Variants in AKR1C8 observed in about 807,000 individuals in gnomAD.
The protein encoded by AKR1C8 is aldo-keto reductase family 1 member C-like protein 1.
At chr10:5,131,208 C>T in the AKR1C8 span, among the ~76,000 whole-genome samples, 1 of 151,986 alleles carries the variant, frequency 6.6e-6, no homozygotes, top group East Asian at 1.9e-4. Context: ...AAGTCTAAGA[C>T]CTGAAACCAT....
At chr10:5,178,682 T>C in the AKR1C8 span, among the ~76,000 whole-genome samples, 1 of 152,244 alleles carries the variant, frequency 6.6e-6, no homozygotes, top group African/African-American at 2.4e-5. Flanking sequence ...GATGCATATA[T>C]ATTTAGGATA....
At chr10:5,144,588 A>G in the AKR1C8 span, among the ~76,000 whole-genome samples, 1 of 151,712 alleles carries the variant, frequency 6.6e-6, no homozygotes, top group African/African-American at 2.4e-5. Flanking sequence ...AAGGTCCTTC[A>G]CATCCCTTGT....
chr10:5,144,796 T>TACA, the AKR1C8 span, among the ~76,000 whole-genome samples: 1 of 152,172 alleles, frequency 6.6e-6, no homozygotes. Context: ...TTTCTAGATA[T>TACA]ACAATCATGT....
the AKR1C8 span, among the ~76,000 whole-genome samples, chr10:5,167,087 C>T: frequency 8.5e-5 from 13 of 152,102 alleles, no homozygotes; most frequent in African/African-American, 2.9e-4. Flanking sequence ...CAATGAGATA[C>T]CATCTCACAC....
the AKR1C8 span, among the ~76,000 whole-genome samples, chr10:5,161,560 G>A: frequency 6.6e-6 from 1 of 152,110 alleles, no homozygotes; most frequent in Non-Finnish European, 1.5e-5. Context: ...TTCCATTCAG[G>A]AACACAAGCA....
chr10:5,178,292 G>C, the AKR1C8 span, among the ~76,000 whole-genome samples: 17 of 152,314 alleles, frequency 1.1e-4, no homozygotes, highest in East Asian at 9.6e-4. Flanking sequence ...GAGCAGTTTT[G>C]AGTGAGTTTC....
chr10:5,175,850 T>G, the AKR1C8 span, among the ~76,000 whole-genome samples: 1 of 152,196 alleles, frequency 6.6e-6, no homozygotes, highest in Non-Finnish European at 1.5e-5. Flanking sequence ...TAAATTTGTT[T>G]GAGTTCATTG....
At chr10:5,165,521 G>A in the AKR1C8 span, among the ~76,000 whole-genome samples, 97 of 152,156 alleles carry the variant, frequency 6.4e-4, 1 homozygote, top group South Asian at 0.02. Flanking sequence ...AACAGAAAAA[G>A]GCCACTTTCA....
At chr10:5,132,186 G>T in the AKR1C8 span, among the ~76,000 whole-genome samples, 1 of 152,114 alleles carries the variant, frequency 6.6e-6, no homozygotes, top group African/African-American at 2.4e-5. Context: ...GTTGGGGGAG[G>T]TTGGGAGTAA....
At chr10:5,121,385 G>C in the AKR1C8 span, among the ~76,000 whole-genome samples, 1 of 152,130 alleles carries the variant, frequency 6.6e-6, no homozygotes, top group Non-Finnish European at 1.5e-5. Flanking sequence ...GAGGCCATAG[G>C]GGACACCTCA....
At chr10:5,176,834 C>G in the AKR1C8 span, among the ~76,000 whole-genome samples, 1 of 152,060 alleles carries the variant, frequency 6.6e-6, no homozygotes, top group East Asian at 1.9e-4. Context: ...AGTTTGTATC[C>G]TGAGACTTTG....
chr10:5,136,809 A>C, the AKR1C8 span, among the ~76,000 whole-genome samples: 1 of 152,168 alleles, frequency 6.6e-6, no homozygotes, highest in Non-Finnish European at 1.5e-5. Flanking sequence ...AAGTATTTTA[A>C]GAAAATAGTA....
chr10:5,179,196 A>G, the AKR1C8 span, among the ~76,000 whole-genome samples: 12 of 152,002 alleles, frequency 7.9e-5, no homozygotes, highest in Non-Finnish European at 1.5e-4. Context: ...ATCTCTCAGC[A>G]TTTGCTTGTC....
the AKR1C8 span, among the ~76,000 whole-genome samples, chr10:5,167,921 T>A: frequency 3.3e-5 from 5 of 152,122 alleles, no homozygotes; most frequent in Admixed American, 6.5e-5. Flanking sequence ...TGTATACAAC[T>A]CTTAGAAACC....
chr10:5,153,256 C>A, the AKR1C8 span, among the ~76,000 whole-genome samples: 2 of 151,804 alleles, frequency 1.3e-5, no homozygotes, highest in Admixed American at 1.3e-4. Flanking sequence ...ATGAATGGAA[C>A]AATATACAAA....
chr10:5,153,583 G>A, the AKR1C8 span, among the ~76,000 whole-genome samples: 1 of 152,156 alleles, frequency 6.6e-6, no homozygotes, highest in African/African-American at 2.4e-5. Flanking sequence ...GCATGGCTGG[G>A]TAAGCGTCAG....
the AKR1C8 span, among the ~76,000 whole-genome samples, chr10:5,134,079 T>A: frequency 1.3e-5 from 2 of 152,150 alleles, no homozygotes; most frequent in East Asian, 1.9e-4. Flanking sequence ...ATAGAACAAT[T>A]TTCTATTTTA....
At chr10:5,170,736 C>A in the AKR1C8 span, among the ~76,000 whole-genome samples, 1 of 152,052 alleles carries the variant, frequency 6.6e-6, no homozygotes, top group Non-Finnish European at 1.5e-5. Context: ...AAGTTTGATT[C>A]CTTAAAGGAA....
At chr10:5,137,995 G>T in the AKR1C8 span, among the ~76,000 whole-genome samples, 130,851 of 151,612 alleles carry the variant, frequency 0.86, 56,634 homozygotes, top group African/African-American at 0.93. Flanking sequence ...AAGGGCAAAA[G>T]CAGAACTACT....
Sources: gnomAD v4.1 joint callset for allele counts (sites outside exome capture counted in the v4.1 genomes callset) on GRCh38, gnomAD v4.1.1 for gene constraint, MANE v1.5 for transcripts, NCBI Gene and HGNC (gene_info 2026-07-23, HGNC 2026-07-21) for gene names.